The following EFR3A variants were observed in gnomAD, a reference collection of about 807,000 sequenced individuals.
EFR3A encodes the protein protein EFR3 homolog A.
In EFR3A, 76 loss-of-function variants were observed where a neutral mutation model predicts 104.4. That is an observed-to-expected ratio of 0.73 (90% confidence interval 0.60 to 0.88). EFR3A has a LOEUF of 0.88. Ranked by LOEUF, EFR3A falls within the 40% of genes least tolerant of loss-of-function variation. The pLI, the probability that EFR3A is intolerant of heterozygous loss-of-function variation, is 0.00. For synonymous variants in EFR3A, 330 were observed against 330.0 expected (o/e 1.00, Z 0.00); for missense variants, 985 against 1,012.5 (o/e 0.97, Z 0.37).
chr8:131,943,080 T>A (rs1226054031), intron 2 of EFR3A, among the ~76,000 whole-genome samples: 2 of 152,058 alleles, frequency 1.3e-5, no homozygotes, highest in African/African-American at 4.8e-5. Context: ...AATCCAAAAC[T>A]TTTTGAGCAC....
At chr8:131,961,681 A>G (rs1819340784) in intron 8 of EFR3A, among the ~76,000 whole-genome samples, 1 of 152,244 alleles carries the variant, frequency 6.6e-6, no homozygotes, top group Admixed American at 6.5e-5. Context: ...AAGGCAGGCC[A>G]GCATTCAGAT....
intron 10 of EFR3A, among the ~76,000 whole-genome samples, chr8:131,975,418 T>TC (rs1820277641): frequency 1.4e-5 from 2 of 145,470 alleles, no homozygotes; most frequent in Non-Finnish European, 3.0e-5. Context: ...TCCTATTTTT[T>TC]TTTTTTTTTT....
At chr8:131,973,486 G>T (rs1030064041) in intron 10 of EFR3A, among the ~76,000 whole-genome samples, 23 of 152,132 alleles carry the variant, frequency 1.5e-4, no homozygotes, top group African/African-American at 5.5e-4. Flanking sequence ...CCATATTTCT[G>T]TGATACAGCA....
chr8:131,925,962 T>A (rs1454035589), intron 1 of EFR3A, among the ~76,000 whole-genome samples: 1 of 150,758 alleles, frequency 6.6e-6, no homozygotes, highest in Non-Finnish European at 1.5e-5. Flanking sequence ...AATGTTATTA[T>A]TTTTTTTTGA....
chr8:131,962,898 A>G (rs1314204901), intron 8 of EFR3A, among the ~76,000 whole-genome samples: 2 of 152,220 alleles, frequency 1.3e-5, no homozygotes, highest in African/African-American at 2.4e-5. Context: ...TCAAAGTAGA[A>G]CTCAGGATTA....
At chr8:131,951,633 C>T (rs931489822) in intron 5 of EFR3A, among the ~76,000 whole-genome samples, 8 of 152,030 alleles carry the variant, frequency 5.3e-5, no homozygotes, top group Non-Finnish European at 1.5e-5. Flanking sequence ...AGTGAAATAT[C>T]TTGTCTTTTG....
chr8:131,993,157 A>G (rs1374653721), intron 18 of EFR3A, among the ~76,000 whole-genome samples: 3 of 152,182 alleles, frequency 2.0e-5, no homozygotes, highest in Non-Finnish European at 4.4e-5. Context: ...TTATGTGGCC[A>G]AAAATGTCCA....
chr8:131,986,376 C>A, intron 17 of EFR3A, 115 bp downstream of exon 17: 1 of 490,660 alleles, frequency 2.0e-6, no homozygotes. Flanking sequence ...TACTAATCAT[C>A]ATTTTGTGTC....
rs185225993 is a variant in EFR3A, at chr8:131,958,145, G to A, written c.777-1440G>A. On this transcript the variant is annotated intron_variant, in intron 7 of 22. Transcript: ENST00000254624. ...AAGTAATTGGTAGCATGCTTGAAGC[G>A]GTAAATAAAGTTTATTTTTCTGCCT... 1.6e-4 allele frequency among the ~76,000 whole-genome samples: 24 copies of A among 152,156 alleles called. 1 individual carries two copies. In the East Asian group the frequency reaches 1.7e-3, roughly 11 times the overall value.
chr8:131,926,171 A>G (rs1563630503), intron 1 of EFR3A, among the ~76,000 whole-genome samples: 1 of 152,190 alleles, frequency 6.6e-6, no homozygotes, highest in Non-Finnish European at 1.5e-5. Flanking sequence ...TCAAATATTA[A>G]TATGAATTGC....
chr8:131,975,412 A>ATTTTTT (rs5895119), intron 10 of EFR3A, among the ~76,000 whole-genome samples: 3 of 111,158 alleles, frequency 2.7e-5, no homozygotes, highest in Non-Finnish European at 5.2e-5. Context: ...TTTTTTTCCT[A>ATTTTTT]TTTTTTTTTT....
intron 1 of EFR3A, among the ~76,000 whole-genome samples, chr8:131,913,568 A>C (rs1368941167): frequency 6.6e-6 from 1 of 151,980 alleles, no homozygotes; most frequent in African/African-American, 2.4e-5. Context: ...TGTCCTTCTA[A>C]ATGCTATTTT....
chr8:131,931,463 A>G (rs1423388103), intron 1 of EFR3A, among the ~76,000 whole-genome samples: 2 of 152,024 alleles, frequency 1.3e-5, no homozygotes, highest in African/African-American at 4.8e-5. Flanking sequence ...AAATCCAGTC[A>G]TTTTCTATTG....
rs1586579623 is a variant in EFR3A, at chr8:131,944,821, G to A, written c.164G>A (p.Gly55Asp). The A allele has an allele frequency of 6.2e-7, 1 of 1,610,512 alleles. No homozygotes were observed. Among genetic ancestry groups the A allele is most frequent in the Non-Finnish European group, 8.5e-7 (1 of 1,178,270 alleles). Residue 55 changes from glycine to aspartate, a missense_variant, in exon 3 of 23, where the codon GGT (glycine) becomes GAT (aspartate). Transcript: ENST00000254624. The part of the protein sequence containing the change: ...VSAPEKLDRI[G>D]SYLAERLSRD... ...GCTCCAGAGAAACTGGATCGAATTG[G>A]TTCTTACCTGGCAGAAAGGTTGAGC...
At position 131,944,788 on chromosome 8, in the gene EFR3A, C is replaced by T. The variant is rs1334745811; in HGVS notation, c.131C>T (p.Ala44Val). The change falls in exon 3 of 23, where the codon GCA (alanine) becomes GTA (valine). Residue 44 changes from alanine to valine, a missense_variant. Ala to Val is a moderately conservative substitution (Grantham distance 64, BLOSUM62 0). Coordinates refer to ENST00000254624, the MANE Select transcript of EFR3A (RefSeq NM_015137.6). ...GATATGGAGAAATTGACATTTTATGCAGTATCTGCTCCAGAGAAACTGGAT... is the reference window on the plus strand; with the variant it reads ...GATATGGAGAAATTGACATTTTATGTAGTATCTGCTCCAGAGAAACTGGAT... ...KTDMEKLTFY[A>V]VSAPEKLDRI... 1.2e-6 allele frequency: 2 copies of T among 1,606,216 alleles called. No homozygotes were observed. The highest frequency in any genetic ancestry group is 1.3e-5 in the African/African-American group (1 of 74,644).
In EFR3A at chr8:131,993,362, G is replaced by A. The variant is rs539482027; in HGVS notation, c.2066-3044G>A. Among the ~76,000 whole-genome samples, 4 of 152,094 alleles carry A rather than the reference G, an allele frequency of 2.6e-5. No individual in the cohort carries two copies. In the South Asian group the frequency reaches 8.3e-4, roughly 32 times the overall value. On this transcript the variant is annotated intron_variant, in intron 18 of 22. Transcript: ENST00000254624. Reference sequence around the variant, plus strand: ...ACATTACTCATACTGTATTGGCCAGGACTTGTTACAGAACCCCTCCTAACC... The same window carrying A: ...ACATTACTCATACTGTATTGGCCAGAACTTGTTACAGAACCCCTCCTAACC...
intron 20 of EFR3A, 89 bp downstream of exon 20, chr8:132,001,896 A>G (rs1821798798): frequency 7.2e-6 from 8 of 1,116,382 alleles, no homozygotes; most frequent in East Asian, 2.4e-5. Flanking sequence ...TAGAGGGGAC[A>G]TTACAAAAAT....
At position 131,948,891 on chromosome 8, in the gene EFR3A, C is replaced by T. The variant is rs368270402; in HGVS notation, c.367-1078C>T. 4.6e-5 allele frequency among the ~76,000 whole-genome samples: 7 copies of T among 152,108 alleles called. No individual in the cohort carries two copies. In the South Asian group the frequency reaches 6.2e-4, roughly 14 times the overall value. On this transcript the variant is annotated intron_variant, in intron 4 of 22. Transcript: ENST00000254624. ...TAATTTAAAATTTATTAATGGTGTT[C>T]GTACGGTTTAATTTGTTGACATTTT...
chr8:131,984,426 C>A, intron 15 of EFR3A, 126 bp downstream of exon 15: 1 of 883,360 alleles, frequency 1.1e-6, no homozygotes, highest in Non-Finnish European at 1.7e-6. Context: ...ATCTAAAATA[C>A]TCAAGACTAT....
Sources: allele counts gnomAD v4.1 joint callset (sites outside exome capture counted in the v4.1 genomes callset), GRCh38; gene constraint gnomAD v4.1.1; transcripts MANE v1.5; gene names NCBI Gene and HGNC (gene_info 2026-07-23, HGNC 2026-07-21).